GDI2: variants seen among roughly 807,000 people sequenced by gnomAD.
The protein encoded by GDI2 is GDP dissociation inhibitor 2.
In GDI2, 22 loss-of-function variants were observed where a neutral mutation model predicts 54.2. The observed-to-expected ratio is 0.41, with a 90% CI of 0.29 to 0.58. The LOEUF is 0.58. GDI2 is among the 20% of genes least tolerant of loss of function. The pLI is 0.35. For synonymous variants in GDI2, 177 were observed against 182.1 expected, an observed-to-expected ratio of 0.97 and a Z score of 0.23; for missense variants, 422 against 546.0, an observed-to-expected ratio of 0.77 and a Z score of 2.26.
Position 5,794,187 on chromosome 10 carries a change from AAATATATATATATATATATATATAT to A in GDI2, c.388+673_388+697del, listed in dbSNP as rs1286535395. On this transcript the variant is annotated intron_variant, in intron 4 of 10. Transcript: ENST00000380191. ...GTCTTTAAAAGAAAAAAAAAAAAAA[AAATATATATATATATATATATATAT>A]ATATATATATATATATATATAAAAC... is the stretch of plus-strand genomic sequence containing the variant. 6.9e-3 allele frequency among the ~76,000 whole-genome samples: 277 copies of A among 40,272 alleles called. 29 individuals are homozygous for A. The highest frequency in any genetic ancestry group is 0.024 in the East Asian group (17 of 706). The allele number at this position is 40,272 out of a possible 152,430, so 26.4% of individuals were successfully genotyped here.
chr10:5,790,792 C>G (rs1267161377), intron 4 of GDI2, among the ~76,000 whole-genome samples: 1 of 152,164 alleles, frequency 6.6e-6, no homozygotes, highest in Non-Finnish European at 1.5e-5. Flanking sequence ...TGAAAGTGAT[C>G]TAAGAGGGTT....
chr10:5,787,002 C>T (rs143931981), intron 4 of GDI2, among the ~76,000 whole-genome samples: 1 of 152,278 alleles, frequency 6.6e-6, no homozygotes, highest in East Asian at 1.9e-4. Context: ...TTCAACTAAT[C>T]ATAGATGATA....
chr10:5,800,837 GAAGA>G (rs1841253425), intron 1 of GDI2, 132 bp from the exon 2 acceptor site: 2 of 632,662 alleles, frequency 3.2e-6, no homozygotes, highest in Admixed American at 4.9e-5. Context: ...CATAATTTAT[GAAGA>G]AAGCCCTTAA....
chr10:5,796,831 G>T lies in GDI2; in HGVS notation c.185C>A (p.Pro62Gln). The change falls in exon 3 of 11, where the codon CCA (proline) becomes CAA (glutamine). Residue 62 changes from proline to glutamine, a missense_variant. Physicochemically the swap from Pro to Gln is moderately conservative, Grantham distance 76. Coordinates refer to ENST00000380191, the MANE Select transcript of GDI2 (RefSeq NM_001494.4). ...LYKRFKIPGS[P>Q]PESMGRGRDW... ...TCTTCCTCTCCCCATTGACTCGGGT[G>T]GTGATCCTGGTATTTTAAATCTTTT... 6.3e-7 allele frequency: 1 copy of T among 1,582,246 alleles called. No homozygotes were observed. The highest frequency in any genetic ancestry group is 8.7e-7 in the Non-Finnish European group (1 of 1,151,902).
Position 5,768,345 on chromosome 10 carries a change from C to T in GDI2, c.859G>A (p.Val287Ile), listed in dbSNP as rs767760359. 2.6e-5 allele frequency: 42 copies of T among 1,613,338 alleles called. No homozygotes were observed. The highest frequency in any genetic ancestry group is 8.8e-5 in the South Asian group (8 of 91,076). Residue 287 changes from valine (V) to isoleucine (I), a missense_variant, in exon 8 of 11, where the codon GTA becomes ATA. Coordinates refer to ENST00000380191, the MANE Select transcript of GDI2 (RefSeq NM_001494.4). The surrounding 1 kb of genome is among the most constrained non-coding windows in gnomAD (Gnocchi z 4.4). ...CCCACTTTTTCTACCCGATCTTTTA[C>T]GTAGCTGGGGTCACAGATGAGCTGC... ...CKQLICDPSY[V>I]KDRVEKVGQV...
intron 7 of GDI2, among the ~76,000 whole-genome samples, chr10:5,772,868 G>A (rs1840522972): frequency 6.6e-6 from 1 of 152,038 alleles, no homozygotes; most frequent in Non-Finnish European, 1.5e-5. Flanking sequence ...GAGGGCTGTG[G>A]GTGCGGAACA....
At chr10:5,793,985 G>GA (rs1841073749) in intron 4 of GDI2, among the ~76,000 whole-genome samples, 1 of 151,342 alleles carries the variant, frequency 6.6e-6, no homozygotes, top group Admixed American at 6.6e-5. Flanking sequence ...CCAACATGGT[G>GA]AAACACCATC....
chr10:5,796,984 A>C, intron 2 of GDI2, 122 bp from the exon 3 acceptor site: 1 of 527,788 alleles, frequency 1.9e-6, no homozygotes, highest in Non-Finnish European at 3.4e-6. Context: ...GTAAAGTATA[A>C]GGGCATTTCA....
Position 5,795,959 on chromosome 10 carries a change from C to T in GDI2, c.253+804G>A, listed in dbSNP as rs187409794. On this transcript the variant is annotated intron_variant, in intron 3 of 10. Transcript: ENST00000380191. ...ATAAAAACAAACAATAGAATATAAA[C>T]TCAAACAAGGAAAAAGGATAGCAGA... Among the ~76,000 whole-genome samples, 30 of 151,624 alleles carry T rather than the reference C, an allele frequency of 2.0e-4. No individual in the cohort carries two copies. In the South Asian group the frequency reaches 5.8e-3, roughly 30 times the overall value.
Position 5,812,204 on chromosome 10 carries a change from T to TTA in GDI2, c.45+1009_45+1010insTA, listed in dbSNP as rs765205177. Among the ~76,000 whole-genome samples, 7 of 140,118 alleles carry TTA rather than the reference T, an allele frequency of 5.0e-5. 1 individual carries two copies. In the East Asian group the frequency reaches 8.1e-4, roughly 16 times the overall value. The allele number at this position is 140,118 out of a possible 152,430, so 91.9% of individuals were successfully genotyped here. A position where few individuals can be genotyped will look rare whatever the true frequency, so the allele number is the denominator to read the frequency against. Reference sequence around the variant, plus strand: ...TGAATTCTTTTGCAAGATGAACATTTAAAAAAAAAAAAAAAAGAACAGAAA... The same window carrying TTA: ...TGAATTCTTTTGCAAGATGAACATTTTAAAAAAAAAAAAAAAAAGAACAGAAA... On this transcript the variant is annotated intron_variant, in intron 1 of 10. Transcript: ENST00000380191.
intron 3 of GDI2, among the ~76,000 whole-genome samples, chr10:5,795,477 C>T (rs571206499): frequency 4.0e-4 from 61 of 152,294 alleles, no homozygotes; most frequent in Admixed American, 1.8e-3. Context: ...AAACTTATTG[C>T]ACTGCATATT....
rs1840583688 is a variant in GDI2, at chr10:5,774,891, G to GGGGAAGGGC, written c.720-951_720-950insGCCCTTCCC. ...CATTTCTCTGGATTCACACCCAGGG[G>GGGGAAGGGC]AAGGGGAAGGGCAAGGGCAAGGGCA... On this transcript the variant is annotated intron_variant, in intron 6 of 10. Transcript: ENST00000380191. This position sits in a 1 kb window ranked among gnomAD's most constrained non-coding sequence, Gnocchi z 4.8. 6.6e-6 allele frequency among the ~76,000 whole-genome samples: 1 copy of GGGGAAGGGC among 152,032 alleles called. No individual in the cohort carries two copies. The highest frequency in any genetic ancestry group is 1.5e-5 in the Non-Finnish European group (1 of 67,994).
At chr10:5,795,617 A>C (rs1453852919) in intron 3 of GDI2, among the ~76,000 whole-genome samples, 1 of 152,146 alleles carries the variant, frequency 6.6e-6, no homozygotes, top group Non-Finnish European at 1.5e-5. Flanking sequence ...AATTTATTAG[A>C]GATATGAGGT....
chr10:5,781,272 TAAA>T (rs34473822), intron 6 of GDI2, among the ~76,000 whole-genome samples: 32 of 132,112 alleles, frequency 2.4e-4, no homozygotes, highest in East Asian at 1.9e-3. Flanking sequence ...ATAAAACTTC[TAAA>T]AAAAAAAAAA....
chr10:5,785,770 T>C (rs374678944), intron 5 of GDI2, 82 bp downstream of exon 5: 6 of 841,168 alleles, frequency 7.1e-6, no homozygotes, highest in Non-Finnish European at 3.9e-6. Context: ...GTATTTGTTT[T>C]GTTAGAATTT....
rs1440027309 is a variant in GDI2, at chr10:5,776,676, CAG to C, written c.720-2737_720-2736del. Reference sequence around the variant, plus strand: ...GTAGATGCTGATTTTGTAGAAAAGTCAGAGTTATGGAGCTTGCCGCCACATTC... The same window carrying C: ...GTAGATGCTGATTTTGTAGAAAAGTCAGTTATGGAGCTTGCCGCCACATTC... On this transcript the variant is annotated intron_variant, in intron 6 of 10. Coordinates refer to ENST00000380191, the MANE Select transcript of GDI2 (RefSeq NM_001494.4). The surrounding 1 kb of genome is among the most constrained non-coding windows in gnomAD (Gnocchi z 5.3). 2.0e-6 allele frequency: 3 copies of C among 1,470,872 alleles called. No homozygotes were observed. The highest frequency in any genetic ancestry group is 1.4e-5 in the African/African-American group (1 of 71,486). 91.1% of individuals were successfully genotyped at this position (1,470,872 alleles called of 1,614,324 possible).
intron 4 of GDI2, among the ~76,000 whole-genome samples, chr10:5,789,587 G>C (rs1043679802): frequency 6.6e-6 from 1 of 152,070 alleles, no homozygotes; most frequent in Non-Finnish European, 1.5e-5. Context: ...ATGCCCAGCA[G>C]ATTTGTGACA....
In GDI2 at chr10:5,774,630, C is replaced by T. The variant is rs991271558; in HGVS notation, c.720-689G>A. Among the ~76,000 whole-genome samples the T allele has an allele frequency of 1.3e-5, 2 of 152,134 alleles. No homozygotes were observed. The highest frequency in any genetic ancestry group is 2.9e-5 in the Non-Finnish European group (2 of 68,024). ...TCGCTCACCCTGATGGATGGCTCTT[C>T]GGGGTCCACACTGAGCAGACCTGAG... On this transcript the variant is annotated intron_variant, in intron 6 of 10. Coordinates refer to ENST00000380191, the MANE Select transcript of GDI2 (RefSeq NM_001494.4). The surrounding 1 kb of genome is among the most constrained non-coding windows in gnomAD (Gnocchi z 4.8).
chr10:5,765,381 T>A lies in GDI2; in HGVS notation c.*625A>T, dbSNP rs143277360. The A allele has an allele frequency of 3.3e-5, 5 of 152,912 alleles. No homozygotes were observed. The East Asian group carries it at 9.6e-4, about 29-fold the overall frequency. 9.5% of individuals were successfully genotyped at this position (152,912 alleles called of 1,614,324 possible). ...AAGATGCACTACACTTGACCCGCTT[T>A]ATGTTCGCTTCCTCTCCCCTTCTCT... On this transcript the variant is annotated 3_prime_UTR_variant, in exon 11 of 11. Coordinates refer to ENST00000380191, the MANE Select transcript of GDI2 (RefSeq NM_001494.4).
Sources: gnomAD v4.1 joint callset for allele counts (sites outside exome capture counted in the v4.1 genomes callset) on GRCh38, gnomAD v4.1.1 for gene constraint, Gnocchi (gnomAD v3.1) non-coding constraint, MANE v1.5 for transcripts, NCBI Gene and HGNC (gene_info 2026-07-23, HGNC 2026-07-21) for gene names.